The following SPOCK1 variants were observed in gnomAD, a reference collection of about 807,000 sequenced individuals.
SPOCK1 encodes testican-1.
Under a neutral mutation model 55.3 loss-of-function variants are expected in SPOCK1, and 23 were observed. That is an observed-to-expected ratio of 0.42 (90% confidence interval 0.30 to 0.59). SPOCK1 has a LOEUF of 0.59. Among genes scored for constraint, SPOCK1 ranks in the 20% least tolerant of loss-of-function variants. SPOCK1 has a pLI of 0.22. For missense variants in SPOCK1, 499 were observed against 552.5 expected, an observed-to-expected ratio of 0.90 and a Z score of 0.97; for synonymous variants, 226 against 221.0, an observed-to-expected ratio of 1.02 and a Z score of -0.20.
chr5:137,304,513 G>T (rs868798969), intron 2 of SPOCK1, among the ~76,000 whole-genome samples: 7 of 152,184 alleles, frequency 4.6e-5, no homozygotes, highest in African/African-American at 1.4e-4. Context: ...GAACTGCAGA[G>T]TGTGTGGGGC....
At chr5:137,028,668 G>A (rs1244044911) in intron 6 of SPOCK1, among the ~76,000 whole-genome samples, 1 of 152,104 alleles carries the variant, frequency 6.6e-6, no homozygotes, top group South Asian at 2.1e-4. Context: ...CTCTGGAAAT[G>A]AGACTGCCTC....
chr5:137,338,468 G>A (rs1045678249), intron 2 of SPOCK1, among the ~76,000 whole-genome samples: 18 of 151,826 alleles, frequency 1.2e-4, no homozygotes, highest in Non-Finnish European at 1.5e-4. Context: ...GAATAGTGCC[G>A]CAATAAACAC....
intron 2 of SPOCK1, among the ~76,000 whole-genome samples, chr5:137,315,450 AC>A (rs778649245): frequency 1.3e-5 from 2 of 151,418 alleles, no homozygotes; most frequent in African/African-American, 4.9e-5. Context: ...GCATCCCACA[AC>A]CCCCCCACCA....
At chr5:137,324,992 A>G (rs1758051797) in intron 2 of SPOCK1, among the ~76,000 whole-genome samples, 1 of 151,490 alleles carries the variant, frequency 6.6e-6, no homozygotes, top group African/African-American at 2.4e-5. Context: ...GTTTGCACTT[A>G]CCAAGGAAGC....
At chr5:137,470,594 A>G (rs1420870991) in intron 2 of SPOCK1, among the ~76,000 whole-genome samples, 2 of 152,114 alleles carry the variant, frequency 1.3e-5, no homozygotes, top group Non-Finnish European at 2.9e-5. Flanking sequence ...ACCATCTCCA[A>G]GTGTAGTCTG....
chr5:137,474,696 C>T (rs1753802187), intron 2 of SPOCK1, among the ~76,000 whole-genome samples: 2 of 152,114 alleles, frequency 1.3e-5, no homozygotes, highest in Non-Finnish European at 2.9e-5. Context: ...TGAAAGGGCT[C>T]CCATCGTCAG....
At chr5:137,179,073 A>AT (rs1271621815) in intron 3 of SPOCK1, among the ~76,000 whole-genome samples, 1 of 152,208 alleles carries the variant, frequency 6.6e-6, no homozygotes, top group African/African-American at 2.4e-5. Flanking sequence ...CATTCAGCCT[A>AT]TTTAAACTCT....
Position 136,992,488 on chromosome 5 carries a change from T to C in SPOCK1, c.702A>G (p.Gln234=), listed in dbSNP as rs1165607851. The change falls in exon 7 of 11, where the codon CAA becomes CAG. Residue 234 remains glutamine, a synonymous_variant. Coordinates refer to ENST00000394945, the MANE Select transcript of SPOCK1 (RefSeq NM_004598.4). ...TGATATTTAAAATGGTCTTACTGCC[T>C]TGGGCTGTGTTGGAGCTGGTGGGCT... ...VIKPTSSNTA[Q]GRFDTSILPI... 2.5e-6 allele frequency: 4 copies of C among 1,610,982 alleles called. No individual in the cohort carries two copies. Among genetic ancestry groups the C allele is most frequent in the Non-Finnish European group, 2.5e-6 (3 of 1,178,360 alleles).
chr5:137,090,089 C>T (rs916695402), intron 5 of SPOCK1, among the ~76,000 whole-genome samples: 6 of 152,158 alleles, frequency 3.9e-5, no homozygotes, highest in East Asian at 1.9e-4. Context: ...TTGGAGATGG[C>T]CCATCACTTA....
rs143709301 is a variant in SPOCK1, at chr5:137,099,785, C to T, written c.474+12650G>A. On this transcript the variant is annotated intron_variant, in intron 5 of 10. Coordinates refer to ENST00000394945, the MANE Select transcript of SPOCK1 (RefSeq NM_004598.4). ...TATGTTAGGACTTAAGGCATTGTAT[C>T]CAGTCAACGGAAAGGAGCCAGTCAA... 7.2e-3 allele frequency among the ~76,000 whole-genome samples: 1,097 copies of T among 152,208 alleles called. 14 individuals are homozygous for T. Among genetic ancestry groups the T allele is most frequent in the African/African-American group, 0.024 (1,004 of 41,502 alleles).
rs545909748 is a variant in SPOCK1 at position 137,354,902 on chromosome 5, GT to G, written c.187-87848del. On this transcript the variant is annotated intron_variant, in intron 2 of 10. Transcript: ENST00000394945. ...AGGTAAGTGACTCACTCTAAGTTTT[GT>G]TTTTTTTTGTTTTTTGAAAAGGCAT... 2.6e-5 allele frequency among the ~76,000 whole-genome samples: 4 copies of G among 150,956 alleles called. No homozygotes were observed. The East Asian group carries it at 5.8e-4, about 22-fold the overall frequency.
intron 2 of SPOCK1, among the ~76,000 whole-genome samples, chr5:137,494,626 T>A (rs1278368419): frequency 6.6e-6 from 1 of 152,256 alleles, no homozygotes; most frequent in African/African-American, 2.4e-5. Context: ...CCAGACTGTA[T>A]TATGTTTCTA....
chr5:136,985,281 A>G, intron 8 of SPOCK1, 79 bp from the exon 9 acceptor site: 1 of 1,316,082 alleles, frequency 7.6e-7, no homozygotes, highest in Admixed American at 1.7e-5. Flanking sequence ...TCTTGATGTG[A>G]AATGTAGACA....
intron 4 of SPOCK1, among the ~76,000 whole-genome samples, chr5:137,115,297 T>C (rs1459669585): frequency 6.6e-6 from 1 of 152,126 alleles, no homozygotes; most frequent in East Asian, 1.9e-4. Context: ...TTCAATAACT[T>C]TATTTTCTAG....
At chr5:137,212,818 C>A (rs896787457) in intron 3 of SPOCK1, among the ~76,000 whole-genome samples, 1 of 152,218 alleles carries the variant, frequency 6.6e-6, no homozygotes, top group Non-Finnish European at 1.5e-5. Context: ...ACTTCTTGCA[C>A]GTGGATAACA....
rs114393822 is a variant in SPOCK1, at chr5:137,151,361, T to C, written c.233-10667A>G. 7.4e-3 allele frequency among the ~76,000 whole-genome samples: 1,121 copies of C among 152,290 alleles called. 4 individuals are homozygous for C. The highest frequency in any genetic ancestry group is 0.017 in the Middle Eastern group (5 of 294). ...AGAATGCAAAATGTATATAAACTTGTATAGAAGAGACTTCAAGAACGTACG... is the reference window on the plus strand; with the variant it reads ...AGAATGCAAAATGTATATAAACTTGCATAGAAGAGACTTCAAGAACGTACG... On this transcript the variant is annotated intron_variant, in intron 3 of 10. Coordinates refer to ENST00000394945, the MANE Select transcript of SPOCK1 (RefSeq NM_004598.4).
intron 5 of SPOCK1, among the ~76,000 whole-genome samples, chr5:137,072,047 G>A (rs751896239): frequency 1.4e-4 from 21 of 152,308 alleles, no homozygotes; most frequent in Non-Finnish European, 2.9e-4. Context: ...TTTGTCTTAG[G>A]TTTATAAAGC....
intron 2 of SPOCK1, among the ~76,000 whole-genome samples, chr5:137,444,354 C>T (rs1330609841): frequency 1.3e-5 from 2 of 152,210 alleles, no homozygotes; most frequent in Admixed American, 1.3e-4. Flanking sequence ...GAGCATGCAT[C>T]ATATAGGCTC....
chr5:137,445,484 C>G (rs1263183698), intron 2 of SPOCK1, among the ~76,000 whole-genome samples: 1 of 152,160 alleles, frequency 6.6e-6, no homozygotes, highest in Non-Finnish European at 1.5e-5. Flanking sequence ...GCTTGGGAAG[C>G]TTACAATCTC....
Sources: allele counts gnomAD v4.1 joint callset (sites outside exome capture counted in the v4.1 genomes callset), GRCh38; gene constraint gnomAD v4.1.1; transcripts MANE v1.5; gene names NCBI Gene and HGNC (gene_info 2026-07-23, HGNC 2026-07-21).